NBEA: variants seen among roughly 807,000 people sequenced by gnomAD.
NBEA encodes lysosomal-trafficking regulator 2.
Under a neutral mutation model 343.4 loss-of-function variants are expected in NBEA, and 44 were observed. The ratio of observed to expected loss-of-function variants is 0.13; its 90% CI spans 0.10 to 0.16. The LOEUF (loss-of-function observed/expected upper bound fraction) is 0.16. NBEA is among the 10% of genes least tolerant of loss of function. The pLI is 1.00. For synonymous variants in NBEA, 1,175 were observed against 1,238.7 expected (o/e 0.95, Z 1.08); for missense variants, 2,555 against 3,631.3 (o/e 0.70, Z 7.62).
intron 34 of NBEA, among the ~76,000 whole-genome samples, chr13:35,258,522 T>G (rs576106792): frequency 7.4e-6 from 1 of 134,414 alleles, no homozygotes; most frequent in African/African-American, 2.5e-5. Context: ...ATAAAATCTG[T>G]TCTTAATTTA....
At chr13:35,528,444 T>C (rs1459332941) in intron 41 of NBEA, among the ~76,000 whole-genome samples, 1 of 152,196 alleles carries the variant, frequency 6.6e-6, no homozygotes, top group East Asian at 1.9e-4. Flanking sequence ...CACAACTTGA[T>C]AAAAACTACA....
chr13:35,545,343 A>G (rs1032583410), intron 41 of NBEA, among the ~76,000 whole-genome samples: 6 of 152,000 alleles, frequency 3.9e-5, no homozygotes, highest in Admixed American at 3.3e-4. Context: ...ATTCCACTCT[A>G]TCCTCCACAT....
rs890320581 is a variant in NBEA, at chr13:35,568,243, TC to T, written c.7035+1229del. Reference sequence around the variant, plus strand: ...ATCCAATTCTTTTATTTTATATAACTCCCTATTAAATTTTAGTTGATAGCTC... The same window carrying T: ...ATCCAATTCTTTTATTTTATATAACTCCTATTAAATTTTAGTTGATAGCTC... On this transcript the variant is annotated intron_variant, in intron 45 of 58. Transcript: ENST00000379939. Among the ~76,000 whole-genome samples, 62 of 152,280 alleles carry T rather than the reference TC, an allele frequency of 4.1e-4. 1 individual carries two copies. Among genetic ancestry groups the T allele is most frequent in the African/African-American group, 1.4e-3 (60 of 41,562 alleles).
chr13:34,970,970 G>C (rs2059979949), intron 1 of NBEA, among the ~76,000 whole-genome samples: 2 of 152,078 alleles, frequency 1.3e-5, no homozygotes, highest in South Asian at 4.1e-4. Context: ...TGGGCAGTAT[G>C]GTCATTTTAA....
intron 38 of NBEA, among the ~76,000 whole-genome samples, chr13:35,376,594 T>G (rs1566047464): frequency 6.6e-6 from 1 of 152,172 alleles, no homozygotes; most frequent in Non-Finnish European, 1.5e-5. Flanking sequence ...GTTCTATAAA[T>G]TATTCCAGTT....
At chr13:35,670,700 C>T (rs1236194619) in intron 58 of NBEA, among the ~76,000 whole-genome samples, 3 of 152,198 alleles carry the variant, frequency 2.0e-5, no homozygotes, top group Non-Finnish European at 4.4e-5. Context: ...CAGGTGTGTG[C>T]GGGCTAACTG....
chr13:35,654,475 A>G (rs1216431187), intron 53 of NBEA, among the ~76,000 whole-genome samples: 1 of 152,232 alleles, frequency 6.6e-6, no homozygotes, highest in African/African-American at 2.4e-5. Flanking sequence ...CTCTTCCTTA[A>G]TAACATACTT....
chr13:35,159,060 G>A lies in NBEA; in HGVS notation c.2889G>A (p.Glu963=). 6 of 1,612,166 alleles carry A rather than the reference G, an allele frequency of 3.7e-6. No individual in the cohort carries two copies. Among genetic ancestry groups the A allele is most frequent in the Non-Finnish European group, 5.1e-6 (6 of 1,179,156 alleles). ...AGGAATACCTAGCCAAAATGTATGA[G>A]GAATATCAAAGACAAGAGGAGGAAA... ...AHKEYLAKMY[E]EYQRQEEENI... Residue 963 remains glutamate (E), a synonymous_variant, in exon 22 of 59, where the codon GAG becomes GAA. Transcript: ENST00000379939.
chr13:35,537,092 T>C (rs1039642593), intron 41 of NBEA, among the ~76,000 whole-genome samples: 2 of 152,140 alleles, frequency 1.3e-5, no homozygotes, highest in African/African-American at 2.4e-5. Flanking sequence ...TAAGCAGTAG[T>C]GTCTACTATA....
intron 27 of NBEA, 64 bp downstream of exon 27, chr13:35,173,658 G>A: frequency 1.3e-6 from 2 of 1,508,772 alleles, no homozygotes; most frequent in South Asian, 1.3e-5. Flanking sequence ...TTAAGTTGAT[G>A]AGAACAAAGT....
Position 35,045,320 on chromosome 13 carries a change from A to T in NBEA, c.642A>T (p.Val214=). The change falls in exon 4 of 59, where the codon GTA becomes GTT. Residue 214 remains valine, a synonymous_variant. Coordinates refer to ENST00000379939, the MANE Select transcript of NBEA (RefSeq NM_001385012.1). The part of the protein sequence containing the change: ...GESGIWPRHA[V]KLLSVLNQMP... Reference sequence around the variant, plus strand: ...TGTTTCCCCAGCCAAGACATGCAGTAAAATTATTATCAGTTCTTAATCAGA... The same window carrying T: ...TGTTTCCCCAGCCAAGACATGCAGTTAAATTATTATCAGTTCTTAATCAGA... The T allele has an allele frequency of 6.2e-7, 1 of 1,608,296 alleles. No individual in the cohort carries two copies. Among genetic ancestry groups the T allele is most frequent in the South Asian group, 1.1e-5 (1 of 89,364 alleles).
chr13:35,281,984 C>T (rs1211522129), intron 34 of NBEA, among the ~76,000 whole-genome samples: 1 of 152,090 alleles, frequency 6.6e-6, no homozygotes, highest in East Asian at 1.9e-4. Context: ...CCAGTCTTGG[C>T]CCACTGCAAG....
At chr13:35,206,453 T>C (rs543581371) in intron 31 of NBEA, among the ~76,000 whole-genome samples, 3 of 152,296 alleles carry the variant, frequency 2.0e-5, no homozygotes, top group African/African-American at 7.2e-5. Flanking sequence ...ATGACTTATC[T>C]TCAAATCGAC....
chr13:35,628,173 T>C lies in NBEA; in HGVS notation c.7542T>C (p.Ala2514=). Residue 2514 remains alanine, a synonymous_variant, in exon 49 of 59, where the codon GCT becomes GCC. Coordinates refer to ENST00000379939, the MANE Select transcript of NBEA (RefSeq NM_001385012.1). ...YKQRGPEAVR[A]LNVFHYLTYE... is the part of the protein sequence containing the mutation. ...AGCGAGGACCAGAAGCAGTTCGTGC[T>C]CTGAATGTTTTTCACTACTTGACTT... The C allele has an allele frequency of 6.2e-7, 1 of 1,613,378 alleles. No homozygotes were observed. The highest frequency in any genetic ancestry group is 8.5e-7 in the Non-Finnish European group (1 of 1,179,576).
At chr13:35,165,767 C>A (rs1370450301) in intron 24 of NBEA, among the ~76,000 whole-genome samples, 3 of 151,524 alleles carry the variant, frequency 2.0e-5, no homozygotes, top group African/African-American at 7.3e-5. Flanking sequence ...TCACTGCAAC[C>A]TCCGCCTCCT....
chr13:35,450,451 T>C (rs1458450274), intron 39 of NBEA, among the ~76,000 whole-genome samples: 1 of 152,104 alleles, frequency 6.6e-6, no homozygotes, highest in Non-Finnish European at 1.5e-5. Context: ...CATGCCACTG[T>C]ACTCCAGCCT....
At chr13:35,204,373 G>T (rs2073230688) in intron 31 of NBEA, among the ~76,000 whole-genome samples, 1 of 152,132 alleles carries the variant, frequency 6.6e-6, no homozygotes, top group Non-Finnish European at 1.5e-5. Context: ...CAGAATCATG[G>T]CAGGAGTGAA....
At chr13:35,653,524 T>G (rs1484841503) in intron 53 of NBEA, among the ~76,000 whole-genome samples, 1 of 151,974 alleles carries the variant, frequency 6.6e-6, no homozygotes, top group Non-Finnish European at 1.5e-5. Context: ...AGAGACAGGG[T>G]TTCACCGTGT....
chr13:35,587,227 T>A (rs2081329728), intron 46 of NBEA, among the ~76,000 whole-genome samples: 1 of 152,060 alleles, frequency 6.6e-6, no homozygotes, highest in Non-Finnish European at 1.5e-5. Context: ...CTGCCTAGGG[T>A]CCACCCTGGA....
Sources: gnomAD v4.1 joint callset for allele counts (sites outside exome capture counted in the v4.1 genomes callset) on GRCh38, gnomAD v4.1.1 for gene constraint, MANE v1.5 for transcripts, NCBI Gene and HGNC (gene_info 2026-07-23, HGNC 2026-07-21) for gene names.